CYP4F12: variants seen among roughly 807,000 people sequenced by gnomAD.
CYP4F12 encodes cytochrome P450 family 4 subfamily F member 12.
CYP4F12 carries 60 observed loss-of-function variants against 56.5 expected under a neutral mutation model. The observed-to-expected ratio is 1.06, with a 90% CI of 0.86 to 1.32. The LOEUF is 1.32. CYP4F12 is among the 40% of genes most tolerant of loss of function. The probability of loss-of-function intolerance (pLI) is 0.00; values close to 1 mark genes in which losing one functional copy is unlikely to be tolerated. For synonymous variants in CYP4F12, 263 were observed against 264.9 expected (o/e 0.99, Z 0.07); for missense variants, 711 against 683.5 (o/e 1.04, Z -0.45).
chr19:15,678,150 GAC>G, intron 2 of CYP4F12, 109 bp from the exon 3 acceptor site: 2 of 1,387,492 alleles, frequency 1.4e-6, no homozygotes, highest in Non-Finnish European at 2.0e-6. Flanking sequence ...CACCCTCACA[GAC>G]ACACACAGCA....
intron 2 of CYP4F12, 130 bp from the exon 3 acceptor site, chr19:15,678,131 C>G: frequency 8.2e-7 from 1 of 1,225,618 alleles, no homozygotes; most frequent in Non-Finnish European, 1.2e-6. Context: ...ATGCTAATCT[C>G]TTCTCAAACA....
intron 12 of CYP4F12, 128 bp downstream of exon 12, chr19:15,696,640 G>A: frequency 1.6e-6 from 2 of 1,238,314 alleles, no homozygotes; most frequent in Admixed American, 4.5e-5. Context: ...ATGGGAAAAC[G>A]TCCATAGAAT....
In CYP4F12 at chr19:15,696,934, T is replaced by C; in HGVS notation, c.1424T>C (p.Met475Thr). 5 of 1,613,980 alleles carry C rather than the reference T, an allele frequency of 3.1e-6. No homozygotes were observed. The highest frequency in any genetic ancestry group is 2.2e-5 in the East Asian group (1 of 44,866). Reference sequence around the variant, plus strand: ...AACTGCATCGGGCAGGCGTTCGCCATGGCGGAGATGAAAGTGGTCCTGGCG... The same window carrying C: ...AACTGCATCGGGCAGGCGTTCGCCACGGCGGAGATGAAAGTGGTCCTGGCG... ...PRNCIGQAFA[M>T]AEMKVVLALM... The change falls in exon 13 of 13, where the codon ATG becomes ACG. Residue 475 changes from methionine (M) to threonine (T), a missense_variant. By Grantham distance (81) the Met-to-Thr change is moderately conservative. Transcript: ENST00000550308.
In CYP4F12 at chr19:15,682,626, T is replaced by C. The variant is rs879365477; in HGVS notation, c.647+116T>C. On this transcript the variant is annotated intron_variant, in intron 6 of 12. Coordinates refer to ENST00000550308, the MANE Select transcript of CYP4F12 (RefSeq NM_023944.4). ...CTTTCGGGAGGATTTGTATCATAGC[T>C]GTGCTTTGAAGGTCGAGGAAGAGGA... 6.7e-6 allele frequency: 10 copies of C among 1,488,968 alleles called. No individual in the cohort carries two copies. In the African/African-American group the frequency reaches 1.3e-4, roughly 19 times the overall value. 92.2% of individuals were successfully genotyped at this position (1,488,968 alleles called of 1,614,324 possible). A position where few individuals can be genotyped will look rare whatever the true frequency, so the allele number is the denominator to read the frequency against.
intron 6 of CYP4F12, 134 bp from the exon 7 acceptor site, chr19:15,683,359 A>T (rs1300096767): frequency 1.1e-6 from 1 of 908,558 alleles, no homozygotes; most frequent in African/African-American, 1.7e-5. Flanking sequence ...GATACCCACC[A>T]TGTATCTCTA....
chr19:15,682,644 G>A (rs1370830191), intron 6 of CYP4F12, 134 bp downstream of exon 6: 2 of 1,369,410 alleles, frequency 1.5e-6, no homozygotes, highest in East Asian at 2.5e-5. Context: ...GAAGGTCGAG[G>A]AAGAGGAGAA....
intron 9 of CYP4F12, among the ~76,000 whole-genome samples, chr19:15,691,836 G>A (rs758678848): frequency 6.6e-6 from 1 of 152,064 alleles, no homozygotes; most frequent in Non-Finnish European, 1.5e-5. Flanking sequence ...GTTTTGTGGG[G>A]CTTCCTTTGG....
At chr19:15,694,963 A>T (rs1392114471) in intron 9 of CYP4F12, among the ~76,000 whole-genome samples, 9 of 152,288 alleles carry the variant, frequency 5.9e-5, no homozygotes, top group African/African-American at 2.2e-4. Flanking sequence ...AGGGATCTAG[A>T]ACTAGAAATA....
At chr19:15,674,791 C>T (rs996057598) in intron 2 of CYP4F12, among the ~76,000 whole-genome samples, 3 of 138,066 alleles carry the variant, frequency 2.2e-5, no homozygotes, top group African/African-American at 7.9e-5. Flanking sequence ...GTCCTCCCAC[C>T]TCAGCCTGCT....
At chr19:15,674,691 T>C (rs200159090) in intron 2 of CYP4F12, among the ~76,000 whole-genome samples, 1 of 95,488 alleles carries the variant, frequency 1.0e-5, no homozygotes, top group Non-Finnish European at 2.3e-5. Context: ...ATTCCTCTCC[T>C]CATTCACTGA....
At chr19:15,677,055 ATTCAGTC>A (rs1370840698) in intron 2 of CYP4F12, among the ~76,000 whole-genome samples, 12 of 140,994 alleles carry the variant, frequency 8.5e-5, no homozygotes, top group Non-Finnish European at 1.1e-4. Flanking sequence ...TCCTCCCCTC[ATTCAGTC>A]ATTCCTGTCC....
At chr19:15,680,618 C>A (rs770504560) in intron 5 of CYP4F12, 99 bp downstream of exon 5, 3 of 1,465,234 alleles carry the variant, frequency 2.0e-6, no homozygotes, top group Admixed American at 1.7e-5. Context: ...TGGCACTGGG[C>A]CATTGCTCTT....
At position 15,680,359 on chromosome 19, in the gene CYP4F12, G is replaced by A. The variant is rs761210668; in HGVS notation, c.398-33G>A. On this transcript the variant is annotated intron_variant, in intron 4 of 12. Transcript: ENST00000550308. Reference sequence around the variant, plus strand: ...TTGCGGGGAGGGTAGGGGAAGTGCTGCTCTTGCCCACTGTCCTTGGCTGCC... The same window carrying A: ...TTGCGGGGAGGGTAGGGGAAGTGCTACTCTTGCCCACTGTCCTTGGCTGCC... The A allele has an allele frequency of 7.1e-5, 115 of 1,613,756 alleles. 1 individual carries two copies. In the South Asian group the frequency reaches 1.2e-3, roughly 17 times the overall value.
chr19:15,697,011 A>C lies in CYP4F12; in HGVS notation c.1501A>C (p.Lys501Gln), dbSNP rs1251755795. The C allele has an allele frequency of 6.2e-7, 1 of 1,614,100 alleles. No individual in the cohort carries two copies. The highest frequency in any genetic ancestry group is 8.5e-7 in the Non-Finnish European group (1 of 1,180,032). ...FLPDHTEPRRKLELIMRAEGG... is the reference protein window; with the variant it reads ...FLPDHTEPRRQLELIMRAEGG... ...GCCAGACCACACTGAGCCCCGCAGG[A>C]AGCTGGAATTGATCATGCGCGCCGA... The change falls in exon 13 of 13, where the codon AAG becomes CAG. Residue 501 changes from lysine (K) to glutamine (Q), a missense_variant. By Grantham distance (53) the Lys-to-Gln change is moderately conservative. Coordinates refer to ENST00000550308, the MANE Select transcript of CYP4F12 (RefSeq NM_023944.4).
chr19:15,697,151 C>A lies in CYP4F12; in HGVS notation c.*66C>A. The stretch of plus-strand genomic sequence containing the variant: ...AATAAAACGGTGCTGTCACCTCTGC[C>A]TGGGCCTCACTGACAGCCTGCAGGG... On this transcript the variant is annotated 3_prime_UTR_variant, in exon 13 of 13. Transcript: ENST00000550308. 1 of 1,546,900 alleles carries A rather than the reference C, an allele frequency of 6.5e-7. No individual in the cohort carries two copies. Among genetic ancestry groups the A allele is most frequent in the South Asian group, 1.2e-5 (1 of 81,718 alleles).
chr19:15,685,034 G>A, intron 8 of CYP4F12, 34 bp from the exon 9 acceptor site: 1 of 1,606,928 alleles, frequency 6.2e-7, no homozygotes, highest in South Asian at 1.1e-5. Context: ...CCACCCTCCG[G>A]TGCTGAAGCC....
intron 1 of CYP4F12, 191 bp from the exon 2 acceptor site, chr19:15,673,338 A>T: frequency 1.6e-6 from 1 of 608,804 alleles, no homozygotes; most frequent in Non-Finnish European, 2.9e-6. Flanking sequence ...TGTGGTTACC[A>T]GGTTACTGGA....
Position 15,684,901 on chromosome 19 carries a change from G to T in CYP4F12, c.985+19G>T, listed in dbSNP as rs769866539. ...TTTGGAGGTGAGGGTCCCAGTGTGGGACTACAGTGGAGACAGAGGTCCCTC... is the reference window on the plus strand; with the variant it reads ...TTTGGAGGTGAGGGTCCCAGTGTGGTACTACAGTGGAGACAGAGGTCCCTC... On this transcript the variant is annotated intron_variant, in intron 8 of 12. Transcript: ENST00000550308. 2.5e-6 allele frequency: 4 copies of T among 1,591,550 alleles called. No homozygotes were observed. The highest frequency in any genetic ancestry group is 3.4e-6 in the Non-Finnish European group (4 of 1,168,038).
At chr19:15,692,228 T>A (rs573646953) in intron 9 of CYP4F12, among the ~76,000 whole-genome samples, 4 of 152,270 alleles carry the variant, frequency 2.6e-5, no homozygotes, top group African/African-American at 9.6e-5. Flanking sequence ...ATACTCTGAC[T>A]TTCTAATGGG....
Sources: allele counts gnomAD v4.1 joint callset (sites outside exome capture counted in the v4.1 genomes callset), GRCh38; gene constraint gnomAD v4.1.1; transcripts MANE v1.5; gene names NCBI Gene and HGNC (gene_info 2026-07-23, HGNC 2026-07-21).